TMEM132B: variants seen among roughly 807,000 people sequenced by gnomAD.
The protein encoded by TMEM132B is transmembrane protein 132B.
A neutral mutation model predicts 90.8 loss-of-function variants in TMEM132B; 18 were observed. The observed-to-expected ratio is 0.20, with a 90% CI of 0.14 to 0.29. The LOEUF (loss-of-function observed/expected upper bound fraction) is 0.29. Among genes scored for constraint, TMEM132B ranks in the 10% least tolerant of loss-of-function variants. TMEM132B has a pLI of 1.00. For missense variants in TMEM132B, 1,096 were observed against 1,326.8 expected, an observed-to-expected ratio of 0.83 and a Z score of 2.70; for synonymous variants, 504 against 523.3, an observed-to-expected ratio of 0.96 and a Z score of 0.50.
intron 4 of TMEM132B, among the ~76,000 whole-genome samples, chr12:125,578,005 G>A (rs551340962): frequency 6.6e-6 from 1 of 152,148 alleles, no homozygotes; most frequent in South Asian, 2.1e-4. Flanking sequence ...GTTGAGACTT[G>A]TTTAATGGCC....
intron 1 of TMEM132B, among the ~76,000 whole-genome samples, chr12:125,348,814 T>C (rs61943122): frequency 0.045 from 6,860 of 152,294 alleles, 185 homozygotes; most frequent in East Asian, 0.1. Context: ...TCAGCACATA[T>C]GTTCTTAAGT....
chr12:125,448,635 T>C (rs899169605), intron 3 of TMEM132B, among the ~76,000 whole-genome samples: 1 of 152,222 alleles, frequency 6.6e-6, no homozygotes, highest in Admixed American at 6.5e-5. Flanking sequence ...TTGCAAGCTA[T>C]TATGAATAAG....
intron 3 of TMEM132B, among the ~76,000 whole-genome samples, chr12:125,456,316 G>A (rs1881291676): frequency 6.6e-6 from 1 of 152,182 alleles, no homozygotes; most frequent in Non-Finnish European, 1.5e-5. Context: ...TGGCCAGGAC[G>A]AATCCCCAGA....
rs1340537551 is a variant in TMEM132B, at chr12:125,459,670, A to G, written c.1106+43993A>G. On this transcript the variant is annotated intron_variant, in intron 3 of 8. Transcript: ENST00000682704. The surrounding 1 kb of genome is among the most constrained non-coding windows in gnomAD (Gnocchi z 4.1). Reference sequence around the variant, plus strand: ...TATGTTTTAAAATAACTAGAAGAGTATAATTGGATTGTTTGTAACACAAAG... The same window carrying G: ...TATGTTTTAAAATAACTAGAAGAGTGTAATTGGATTGTTTGTAACACAAAG... Among the ~76,000 whole-genome samples, 1 of 152,220 alleles carries G rather than the reference A, an allele frequency of 6.6e-6. No homozygotes were observed. The highest frequency in any genetic ancestry group is 1.5e-5 in the Non-Finnish European group (1 of 68,036).
intron 1 of TMEM132B, among the ~76,000 whole-genome samples, chr12:125,341,497 A>T (rs994749245): frequency 6.6e-6 from 1 of 152,094 alleles, no homozygotes; most frequent in Non-Finnish European, 1.5e-5. Context: ...CTTATTTTTA[A>T]ATATTTCATC....
At position 125,589,205 on chromosome 12, in the gene TMEM132B, G is replaced by A. The variant is rs563443903; in HGVS notation, c.1437+5211G>A. Among the ~76,000 whole-genome samples, 20 of 152,196 alleles carry A rather than the reference G, an allele frequency of 1.3e-4. No individual in the cohort carries two copies. The South Asian group carries it at 1.7e-3, about 13-fold the overall frequency. ...TTGCTATAAAGAAATACCTGAGGCC[G>A]GGCACGGTGGCTCACGCCTGTAATC... is the stretch of plus-strand genomic sequence containing the variant. On this transcript the variant is annotated intron_variant, in intron 5 of 8. Transcript: ENST00000682704.
chr12:125,554,994 A>G (rs1239647872), intron 4 of TMEM132B, among the ~76,000 whole-genome samples: 3 of 152,178 alleles, frequency 2.0e-5, no homozygotes, highest in African/African-American at 7.2e-5. Flanking sequence ...TCTGCATGTG[A>G]ATTGAATAAT....
chr12:125,555,137 G>A (rs1884341731), intron 4 of TMEM132B, among the ~76,000 whole-genome samples: 1 of 152,142 alleles, frequency 6.6e-6, no homozygotes, highest in Non-Finnish European at 1.5e-5. Flanking sequence ...TACTTTATAT[G>A]CTTATAGTTA....
chr12:125,454,382 GTGTGTGTGTT>G lies in TMEM132B; in HGVS notation c.1106+38715_1106+38724del, dbSNP rs1451611404. ...TGCCTGCCTACAGCCAGCCGTGTGT[GTGTGTGTGTT>G]TGTGTGTGTGTGTGTGTGTGTGTGT... On this transcript the variant is annotated intron_variant, in intron 3 of 8. Coordinates refer to ENST00000682704, the MANE Select transcript of TMEM132B (RefSeq NM_001366854.1). 2.0e-3 allele frequency among the ~76,000 whole-genome samples: 283 copies of G among 140,450 alleles called. 3 individuals carry two copies. The highest frequency in any genetic ancestry group is 6.8e-3 in the African/African-American group (252 of 37,052). 92.1% of individuals were successfully genotyped at this position (140,450 alleles called of 152,430 possible).
intron 6 of TMEM132B, among the ~76,000 whole-genome samples, chr12:125,649,236 G>A (rs917827874): frequency 1.3e-5 from 2 of 152,186 alleles, no homozygotes; most frequent in Non-Finnish European, 2.9e-5. Flanking sequence ...TAAAGAAGGT[G>A]GGTTTCAGAA....
At chr12:125,391,040 AGT>A (rs57083034) in intron 2 of TMEM132B, among the ~76,000 whole-genome samples, 34,532 of 84,492 alleles carry the variant, frequency 0.41, 4,318 homozygotes, top group South Asian at 0.46. Flanking sequence ...ACTAAAGAAT[AGT>A]GTGTGTGTGT....
chr12:125,570,708 G>GA (rs1345201624), intron 4 of TMEM132B, among the ~76,000 whole-genome samples: 1 of 152,188 alleles, frequency 6.6e-6, no homozygotes, highest in East Asian at 1.9e-4. Context: ...CAGTGGGATT[G>GA]AAAAATCAGT....
intron 5 of TMEM132B, among the ~76,000 whole-genome samples, chr12:125,597,951 T>C (rs1354651943): frequency 2.6e-5 from 4 of 152,200 alleles, no homozygotes; most frequent in Non-Finnish European, 1.5e-5. Context: ...ATGTGATCTT[T>C]AGAGTTTAGT....
At chr12:125,389,763 G>A (rs949863374) in intron 2 of TMEM132B, among the ~76,000 whole-genome samples, 2 of 152,156 alleles carry the variant, frequency 1.3e-5, no homozygotes, top group Admixed American at 1.3e-4. Flanking sequence ...AGATACATTG[G>A]CAGTCTTTTA....
At chr12:125,542,132 G>A (rs564934502) in intron 4 of TMEM132B, among the ~76,000 whole-genome samples, 6 of 150,700 alleles carry the variant, frequency 4.0e-5, no homozygotes, top group South Asian at 2.1e-4. Flanking sequence ...AATCATGTAT[G>A]AGTTAGAAAA....
Position 125,336,077 on chromosome 12 carries a change from C to A in TMEM132B, c.68-13375C>A, listed in dbSNP as rs1218393536. ...CAAATGCATGGAGTTGTGTAAGCATCGGCACGGTCAGGACACAGAAGAGCT... is the reference window on the plus strand; with the variant it reads ...CAAATGCATGGAGTTGTGTAAGCATAGGCACGGTCAGGACACAGAAGAGCT... On this transcript the variant is annotated intron_variant, in intron 1 of 8. Transcript: ENST00000682704. Among the ~76,000 whole-genome samples, 6 of 152,336 alleles carry A rather than the reference C, an allele frequency of 3.9e-5. No individual in the cohort carries two copies. The East Asian group carries it at 1.2e-3, about 29-fold the overall frequency.
At chr12:125,394,737 CTGGGGATCATCATAATA>C (rs1421089683) in intron 2 of TMEM132B, among the ~76,000 whole-genome samples, 5 of 152,154 alleles carry the variant, frequency 3.3e-5, no homozygotes, top group African/African-American at 1.2e-4. Context: ...AAAAATAAGT[CTGGGGATCATCATAATA>C]TGGAGGCCAT....
chr12:125,595,715 A>C (rs563709094), intron 5 of TMEM132B, among the ~76,000 whole-genome samples: 2 of 152,318 alleles, frequency 1.3e-5, no homozygotes, highest in East Asian at 3.9e-4. Flanking sequence ...ACCTAAATGG[A>C]GATCACCTAG....
In TMEM132B at chr12:125,406,976, G is replaced by A. The variant is rs908884073; in HGVS notation, c.960-8555G>A. 1.3e-5 allele frequency among the ~76,000 whole-genome samples: 2 copies of A among 152,208 alleles called. No homozygotes were observed. The highest frequency in any genetic ancestry group is 2.4e-5 in the African/African-American group (1 of 41,452). On this transcript the variant is annotated intron_variant, in intron 2 of 8. Transcript: ENST00000682704. This position sits in a 1 kb window ranked among gnomAD's most constrained non-coding sequence, Gnocchi z 8.3. ...CTTTCCCAGTGGAGTCGTATGGACA[G>A]CATTTGCTTCTCCCAGAGCTGATGT...
Sources: allele counts gnomAD v4.1 joint callset (sites outside exome capture counted in the v4.1 genomes callset), GRCh38; gene constraint gnomAD v4.1.1; non-coding constraint Gnocchi (gnomAD v3.1); transcripts MANE v1.5; gene names NCBI Gene and HGNC (gene_info 2026-07-23, HGNC 2026-07-21).